The following KRABD1 variants were observed in gnomAD, a reference collection of about 807,000 sequenced individuals.
KRABD1 encodes the protein KRAB domain containing 1.
At chr3:42,941,877 C>A in the KRABD1 span, 2 of 844,760 alleles carry the variant, frequency 2.4e-6, no homozygotes, top group Non-Finnish European at 1.9e-6. Flanking sequence ...ACCTCCCTTG[C>A]TTGTTCTTGT....
chr3:42,937,272 A>G, the KRABD1 span: 15 of 152,318 alleles, frequency 9.8e-5, no homozygotes, highest in Middle Eastern at 3.4e-3. Context: ...TTGTTCTCCA[A>G]TGTGGCTTGT....
the KRABD1 span, among the ~76,000 whole-genome samples, chr3:42,939,481 T>C: frequency 8.5e-5 from 13 of 152,348 alleles, no homozygotes; most frequent in Admixed American, 2.6e-4. Context: ...GATGGACTTT[T>C]GGTTGTTCCC....
the KRABD1 span, chr3:42,936,583 C>T: frequency 6.6e-6 from 1 of 152,438 alleles, no homozygotes; most frequent in East Asian, 1.9e-4. Flanking sequence ...CTGGCAGAGG[C>T]CTGGAACGCT....
chr3:42,939,701 T>G, the KRABD1 span, among the ~76,000 whole-genome samples: 1 of 152,184 alleles, frequency 6.6e-6, no homozygotes, highest in African/African-American at 2.4e-5. Flanking sequence ...TTGCTCCACA[T>G]CCTTACCATT....
chr3:42,941,163 A>G, the KRABD1 span: 4 of 1,495,418 alleles, frequency 2.7e-6, no homozygotes, highest in Middle Eastern at 1.7e-4. Flanking sequence ...CAGGTCTCTC[A>G]TTGGCAGATT....
the KRABD1 span, chr3:42,942,097 C>T: frequency 7.0e-7 from 1 of 1,430,808 alleles, no homozygotes; most frequent in Middle Eastern, 1.7e-4. Context: ...GGGTTCTTCT[C>T]CAGCTTTGTC....
the KRABD1 span, chr3:42,938,991 T>C: frequency 2.3e-5 from 28 of 1,231,098 alleles, no homozygotes; most frequent in East Asian, 5.6e-4. Flanking sequence ...ATGTGTTTAT[T>C]AGATACATAC....
chr3:42,942,404 G>T, the KRABD1 span: 19 of 437,010 alleles, frequency 4.3e-5, no homozygotes, highest in Non-Finnish European at 6.9e-5. Context: ...GTATTATCTT[G>T]TTCACTGACC....
At chr3:42,940,025 A>G in the KRABD1 span, among the ~76,000 whole-genome samples, 1 of 152,158 alleles carries the variant, frequency 6.6e-6, no homozygotes, top group Non-Finnish European at 1.5e-5. Context: ...GAAGTCCAGT[A>G]TATCAGTTTG....
At chr3:42,940,185 C>A in the KRABD1 span, among the ~76,000 whole-genome samples, 1 of 152,172 alleles carries the variant, frequency 6.6e-6, no homozygotes, top group African/African-American at 2.4e-5. Flanking sequence ...TCTTTTTCCC[C>A]CCATATACAT....
the KRABD1 span, chr3:42,938,711 G>A: frequency 4.6e-6 from 2 of 437,486 alleles, no homozygotes; most frequent in African/African-American, 1.9e-5. Flanking sequence ...CTGCTATCTC[G>A]CCTTTGTGAG....
At chr3:42,939,805 A>G in the KRABD1 span, among the ~76,000 whole-genome samples, 1 of 152,120 alleles carries the variant, frequency 6.6e-6, no homozygotes, top group Non-Finnish European at 1.5e-5. Context: ...TCATAGGTTT[A>G]TTGGCATATC....
At chr3:42,939,364 T>C in the KRABD1 span, among the ~76,000 whole-genome samples, 3 of 152,228 alleles carry the variant, frequency 2.0e-5, no homozygotes, top group African/African-American at 7.2e-5. Context: ...CAACGTTATG[T>C]CTGTGAACTT....
chr3:42,937,618 T>C, the KRABD1 span: 1 of 152,258 alleles, frequency 6.6e-6, no homozygotes, highest in African/African-American at 2.4e-5. Context: ...TCCATGAATT[T>C]AGCAGCATTA....
At chr3:42,938,413 T>C in the KRABD1 span, 1 of 152,508 alleles carries the variant, frequency 6.6e-6, no homozygotes, top group Non-Finnish European at 1.5e-5. Context: ...AAAAACATGC[T>C]GAGGTCTTAC....
chr3:42,936,756 C>T, the KRABD1 span: 1 of 152,224 alleles, frequency 6.6e-6, no homozygotes. Context: ...GCCCCTCGGT[C>T]GCTCCAGCCC....
the KRABD1 span, chr3:42,941,943 C>T: frequency 6.8e-7 from 1 of 1,471,734 alleles, no homozygotes; most frequent in Non-Finnish European, 9.2e-7. Context: ...GTTATGTTTT[C>T]TTCTTTTCGA....
At chr3:42,936,486 C>G in the KRABD1 span, 2 of 152,374 alleles carry the variant, frequency 1.3e-5, no homozygotes. Flanking sequence ...CGGGAAACAG[C>G]CCCGAGGGAG....
chr3:42,939,218 C>G, the KRABD1 span, among the ~76,000 whole-genome samples: 1 of 152,114 alleles, frequency 6.6e-6, no homozygotes, highest in Non-Finnish European at 1.5e-5. Flanking sequence ...ATACTGCCTC[C>G]CAAGCAATCC....
Sources: gnomAD v4.1 joint callset for allele counts (sites outside exome capture counted in the v4.1 genomes callset) on GRCh38, gnomAD v4.1.1 for gene constraint, MANE v1.5 for transcripts, NCBI Gene and HGNC (gene_info 2026-07-23, HGNC 2026-07-21) for gene names.